Variants in GPR137B observed in about 807,000 individuals in gnomAD.
GPR137B encodes the protein G protein-coupled receptor 137B, also known as integral membrane protein GPR137B.
In GPR137B, 42 loss-of-function variants were observed where a neutral mutation model predicts 42.5. The ratio of observed to expected loss-of-function variants is 0.99; its 90% CI spans 0.77 to 1.28. The LOEUF (loss-of-function observed/expected upper bound fraction) is 1.28. GPR137B is among the 50% of genes most tolerant of loss of function. GPR137B has a pLI of 0.00. For synonymous variants in GPR137B, 218 were observed against 209.7 expected (o/e 1.04, Z -0.34); for missense variants, 487 against 493.9 (o/e 0.99, Z 0.13).
At position 236,166,484 on chromosome 1, in the gene GPR137B, T is replaced by TTATATATATAATATATATATATTTA. The variant is rs373361122; in HGVS notation, c.415-2214_415-2213insTAATATATATATATTTATATATATA. On this transcript the variant is annotated intron_variant, in intron 1 of 6. Transcript: ENST00000366592. ...TATTAAATATATACATTATATATAT[T>TTATATATATAATATATATATATTTA]TATATATACATATATATATTTATAT... 4.5e-3 allele frequency among the ~76,000 whole-genome samples: 628 copies of TTATATATATAATATATATATATTTA among 139,504 alleles called. 10 individuals carry two copies. Among genetic ancestry groups the TTATATATATAATATATATATATTTA allele is most frequent in the African/African-American group, 0.017 (596 of 34,594 alleles). 91.5% of individuals were successfully genotyped at this position (139,504 alleles called of 152,430 possible). A position where few individuals can be genotyped will look rare whatever the true frequency, so the allele number is the denominator to read the frequency against.
In GPR137B at chr1:236,193,904, T is replaced by A. The variant is rs551108186; in HGVS notation, c.966+9998T>A. Among the ~76,000 whole-genome samples the A allele has an allele frequency of 2.6e-5, 4 of 152,350 alleles. No homozygotes were observed. The East Asian group carries it at 7.7e-4, about 29-fold the overall frequency. On this transcript the variant is annotated intron_variant, in intron 5 of 6. Coordinates refer to ENST00000366592, the MANE Select transcript of GPR137B (RefSeq NM_003272.4). Reference sequence around the variant, plus strand: ...CACTGTATTTATCTTTTGTTGCTCGTGTTCTGGTGTCATACCCAAGAACCC... The same window carrying A: ...CACTGTATTTATCTTTTGTTGCTCGAGTTCTGGTGTCATACCCAAGAACCC...
chr1:236,166,612 A>G (rs1662366962), intron 1 of GPR137B, among the ~76,000 whole-genome samples: 1 of 150,180 alleles, frequency 6.7e-6, no homozygotes, highest in Non-Finnish European at 1.5e-5. Flanking sequence ...GCAGAACCAA[A>G]TAATTCTTCT....
chr1:236,192,769 G>A (rs978128846), intron 5 of GPR137B, among the ~76,000 whole-genome samples: 1 of 143,068 alleles, frequency 7.0e-6, no homozygotes, highest in Non-Finnish European at 1.6e-5. Context: ...GCTGCAGACT[G>A]GAGCTGTTCC....
At position 236,180,014 on chromosome 1, in the gene GPR137B, A is replaced by T; in HGVS notation, c.823A>T (p.Asn275Tyr). ...CCATTCCTTTGATTATGACTGGTAC[A>T]ATGTATCAGACCAGGTCAGTGGGGG... is the stretch of plus-strand genomic sequence containing the variant. Reference protein sequence around the residue: ...SVHSFDYDWYNVSDQADLKNQ... With the variant: ...SVHSFDYDWYYVSDQADLKNQ... The change falls in exon 4 of 7, where the codon AAT becomes TAT. Residue 275 changes from asparagine to tyrosine, a missense_variant. Coordinates refer to ENST00000366592, the MANE Select transcript of GPR137B (RefSeq NM_003272.4). The T allele has an allele frequency of 6.2e-7, 1 of 1,613,732 alleles. No individual in the cohort carries two copies. The highest frequency in any genetic ancestry group is 1.7e-5 in the Admixed American group (1 of 60,008).
chr1:236,188,768 G>C (rs1377929131), intron 5 of GPR137B, among the ~76,000 whole-genome samples: 1 of 152,156 alleles, frequency 6.6e-6, no homozygotes, highest in East Asian at 1.9e-4. Flanking sequence ...AGAGATATTG[G>C]TCTGAAATTT....
rs761110146 is a variant in GPR137B at position 236,180,014 on chromosome 1, A to G, written c.823A>G (p.Asn275Asp). 2 of 1,613,732 alleles carry G rather than the reference A, an allele frequency of 1.2e-6. No individual in the cohort carries two copies. The highest frequency in any genetic ancestry group is 1.7e-6 in the Non-Finnish European group (2 of 1,179,700). ...CCATTCCTTTGATTATGACTGGTAC[A>G]ATGTATCAGACCAGGTCAGTGGGGG... ...SVHSFDYDWYNVSDQADLKNQ... is the reference protein window; with the variant it reads ...SVHSFDYDWYDVSDQADLKNQ... The change falls in exon 4 of 7, where the codon AAT becomes GAT. Residue 275 changes from asparagine to aspartate, a missense_variant. Coordinates refer to ENST00000366592, the MANE Select transcript of GPR137B (RefSeq NM_003272.4).
At chr1:236,149,830 G>A (rs1423560945) in intron 1 of GPR137B, among the ~76,000 whole-genome samples, 1 of 152,280 alleles carries the variant, frequency 6.6e-6, no homozygotes, top group Non-Finnish European at 1.5e-5. Flanking sequence ...CCAGAGTTGT[G>A]TGTGCACCTA....
intron 5 of GPR137B, among the ~76,000 whole-genome samples, chr1:236,202,171 T>C (rs1663510107): frequency 6.6e-6 from 1 of 152,118 alleles, no homozygotes; most frequent in Non-Finnish European, 1.5e-5. Flanking sequence ...AAGTAGACTC[T>C]GTGAAAGACC....
At position 236,178,773 on chromosome 1, in the gene GPR137B, G is replaced by A. The variant is rs1662770024; in HGVS notation, c.687+137G>A. 1.3e-5 allele frequency: 3 copies of A among 235,866 alleles called. No homozygotes were observed. The East Asian group carries it at 2.1e-4, about 16-fold the overall frequency. The allele number at this position is 235,866 out of a possible 1,614,324, so 14.6% of individuals were successfully genotyped here. ...CTCCGTTTTATTGTCTCCCACACAG[G>A]GGCTACTCGAGGTTTTTTTTTTTTT... On this transcript the variant is annotated intron_variant, in intron 3 of 6. Transcript: ENST00000366592.
At chr1:236,194,975 A>T (rs548651524) in intron 5 of GPR137B, among the ~76,000 whole-genome samples, 5 of 152,244 alleles carry the variant, frequency 3.3e-5, no homozygotes, top group African/African-American at 7.2e-5. Context: ...GCTTTTAAAA[A>T]TTTTTTTGTA....
chr1:236,199,551 A>C (rs1663435795), intron 5 of GPR137B, among the ~76,000 whole-genome samples: 2 of 151,856 alleles, frequency 1.3e-5, no homozygotes, highest in African/African-American at 4.8e-5. Context: ...AAATGTTTTT[A>C]TTGCTGTTTC....
rs10680855 is a variant in GPR137B at position 236,181,893 on chromosome 1, A to ATTTTAACCT, written c.837+1869_837+1870insAACCTTTTT. On this transcript the variant is annotated intron_variant, in intron 4 of 6. Coordinates refer to ENST00000366592, the MANE Select transcript of GPR137B (RefSeq NM_003272.4). The stretch of plus-strand genomic sequence containing the variant: ...TAGTAAAATACACATAATATTTGCT[A>ATTTTAACCT]TTTTTTTTTTTTTTTTTTGAGACGG... Among the ~76,000 whole-genome samples the ATTTTAACCT allele has an allele frequency of 1.2e-4, 15 of 121,512 alleles. 2 individuals carry two copies. Among genetic ancestry groups the ATTTTAACCT allele is most frequent in the African/African-American group, 4.2e-4 (12 of 28,684 alleles). 79.7% of individuals were successfully genotyped at this position (121,512 alleles called of 152,430 possible). A position where few individuals can be genotyped will look rare whatever the true frequency, so the allele number is the denominator to read the frequency against.
intron 5 of GPR137B, among the ~76,000 whole-genome samples, chr1:236,196,227 C>A (rs1663325989): frequency 6.6e-6 from 1 of 152,178 alleles, no homozygotes; most frequent in Non-Finnish European, 1.5e-5. Flanking sequence ...GCAATCTCTG[C>A]TTTCTGGGTT....
At chr1:236,180,207 A>G in intron 4 of GPR137B, 179 bp downstream of exon 4, 1 of 572,558 alleles carries the variant, frequency 1.7e-6, no homozygotes, top group Admixed American at 3.3e-5. Context: ...TAATCTCTAG[A>G]TGATTTACAA....
At chr1:236,168,371 C>T (rs1039554085) in intron 1 of GPR137B, among the ~76,000 whole-genome samples, 34 of 148,970 alleles carry the variant, frequency 2.3e-4, no homozygotes, top group Admixed American at 1.9e-3. Context: ...TGCAGTGAGC[C>T]GAGATGGCGC....
intron 1 of GPR137B, among the ~76,000 whole-genome samples, chr1:236,153,554 C>A (rs186538910): frequency 1.3e-5 from 2 of 152,160 alleles, no homozygotes; most frequent in African/African-American, 4.8e-5. Context: ...TTTCATCATG[C>A]GCGTTTGAGT....
chr1:236,181,958 T>C (rs1171991935), intron 4 of GPR137B, among the ~76,000 whole-genome samples: 1 of 141,860 alleles, frequency 7.0e-6, no homozygotes, highest in Non-Finnish European at 1.5e-5. Context: ...AGCCGCACAA[T>C]CTTGGCTCAC....
intron 1 of GPR137B, among the ~76,000 whole-genome samples, chr1:236,166,474 TTATATATATTTATATATACA>T (rs1331623953): frequency 9.0e-5 from 12 of 133,590 alleles, no homozygotes; most frequent in South Asian, 4.4e-4. Context: ...AATATATACA[TTATATATATTTATATATACA>T]TATATATATT....
intron 2 of GPR137B, among the ~76,000 whole-genome samples, chr1:236,175,842 C>G (rs1662671307): frequency 6.6e-6 from 1 of 152,134 alleles, no homozygotes; most frequent in Admixed American, 6.6e-5. Context: ...GCGGGGCTTG[C>G]TTGGTTAGGT....
Sources: gnomAD v4.1 joint callset for allele counts (sites outside exome capture counted in the v4.1 genomes callset) on GRCh38, gnomAD v4.1.1 for gene constraint, MANE v1.5 for transcripts, NCBI Gene and HGNC (gene_info 2026-07-23, HGNC 2026-07-21) for gene names.